ZNF93: variants seen among roughly 807,000 people sequenced by gnomAD.
The protein encoded by ZNF93 is zinc finger protein 505.
A neutral mutation model predicts 45.0 loss-of-function variants in ZNF93; 29 were observed. The observed-to-expected ratio is 0.64, with a 90% CI of 0.48 to 0.88. The LOEUF (loss-of-function observed/expected upper bound fraction) is 0.88. Ranked by LOEUF, ZNF93 falls within the 40% of genes least tolerant of loss-of-function variation. The pLI is 0.00. For synonymous variants in ZNF93, 223 were observed against 244.6 expected (o/e 0.91, Z 0.82); for missense variants, 578 against 724.0 (o/e 0.80, Z 2.31).
intron 3 of ZNF93, chr19:19,931,874 T>C (rs1453077231): frequency 1.3e-5 from 3 of 226,346 alleles, no homozygotes; most frequent in African/African-American, 7.1e-5. Flanking sequence ...TCTCAAAAAC[T>C]GGAGATTACA....
intron 1 of ZNF93, among the ~76,000 whole-genome samples, chr19:19,907,465 T>G (rs993170399): frequency 1.3e-5 from 2 of 152,212 alleles, no homozygotes; most frequent in African/African-American, 4.8e-5. Flanking sequence ...TGCTTTCTAT[T>G]TATTACTTCA....
In ZNF93 at chr19:19,934,703, A is replaced by G; in HGVS notation, c.1748A>G (p.His583Arg). The change falls in exon 4 of 4, where the codon CAT becomes CGT. Residue 583 changes from histidine to arginine, a missense_variant. His to Arg is a conservative substitution (Grantham distance 29, BLOSUM62 0). Coordinates refer to ENST00000343769, the MANE Select transcript of ZNF93 (RefSeq NM_031218.4). ...AACCATTCTGCAACCCTTTCTTCAC[A>G]TAAGAAAATCCATTCTGGAGAGAAA... ...AFNHSATLSS[H>R]KKIHSGEKPY... is the part of the protein sequence containing the mutation. The G allele has an allele frequency of 2.5e-6, 4 of 1,613,714 alleles. No individual in the cohort carries two copies. Among genetic ancestry groups the G allele is most frequent in the South Asian group, 1.1e-5 (1 of 91,036 alleles).
At position 19,901,193 on chromosome 19, in the gene ZNF93, C is replaced by A. The variant is rs1254178264; in HGVS notation, c.3+102C>A. 8 of 1,566,664 alleles carry A rather than the reference C, an allele frequency of 5.1e-6. No individual in the cohort carries two copies. In the African/African-American group the frequency reaches 9.5e-5, roughly 19 times the overall value. ...TCAGGTATCCCCTTAGTCAGCTCCA[C>A]AATCTGCGCCGGAGTTCTTGCCCAG... On this transcript the variant is annotated intron_variant, in intron 1 of 3. Transcript: ENST00000343769.
At chr19:19,914,093 A>G (rs188231864) in intron 1 of ZNF93, among the ~76,000 whole-genome samples, 4 of 152,362 alleles carry the variant, frequency 2.6e-5, no homozygotes, top group African/African-American at 9.6e-5. Flanking sequence ...GCAAGAATTT[A>G]TGATCCACAT....
intron 1 of ZNF93, among the ~76,000 whole-genome samples, chr19:19,902,598 G>A (rs1339557479): frequency 6.6e-6 from 1 of 151,776 alleles, no homozygotes; most frequent in Non-Finnish European, 1.5e-5. Context: ...TTTCTGGGGA[G>A]CCTCCCCTGC....
chr19:19,920,594 G>A (rs1243455884), intron 3 of ZNF93, among the ~76,000 whole-genome samples: 1 of 151,924 alleles, frequency 6.6e-6, no homozygotes, highest in Non-Finnish European at 1.5e-5. Flanking sequence ...TTTTTTGGTT[G>A]GCAAGCTATT....
At position 19,923,377 on chromosome 19, in the gene ZNF93, CAG is replaced by C. The variant is rs2063347079; in HGVS notation, c.226+6723_226+6724del. On this transcript the variant is annotated intron_variant, in intron 3 of 3. Transcript: ENST00000343769. ...GGGGGTGCCTTCCAGTTAGGCTACT[CAG>C]GGGTCAGGGACCCACTTGAATAGGC... Among the ~76,000 whole-genome samples, 3 of 152,188 alleles carry C rather than the reference CAG, an allele frequency of 2.0e-5. No homozygotes were observed. In the South Asian group the frequency reaches 6.2e-4, roughly 32 times the overall value.
intron 1 of ZNF93, among the ~76,000 whole-genome samples, chr19:19,911,861 C>G (rs1181947586): frequency 6.6e-6 from 1 of 151,904 alleles, no homozygotes. Flanking sequence ...GTGACTTTCC[C>G]TTCTCAGCCT....
At chr19:19,914,608 A>T (rs2063318315) in intron 1 of ZNF93, 1 of 190,870 alleles carries the variant, frequency 5.2e-6, no homozygotes, top group African/African-American at 2.4e-5. Flanking sequence ...TTTTCTCTTC[A>T]TTATTAAGCA....
chr19:19,900,951 T>G lies in ZNF93; in HGVS notation c.-138T>G. 2.1e-6 allele frequency: 3 copies of G among 1,445,240 alleles called. No homozygotes were observed. The highest frequency in any genetic ancestry group is 2.9e-6 in the Non-Finnish European group (3 of 1,044,778). 89.5% of individuals were successfully genotyped at this position (1,445,240 alleles called of 1,614,324 possible). ...TCTGGTTTGGCGGGTCCTTTGTCTC[T>G]CGGTGCAGCCGGAGCTCCAGGTCTC... On this transcript the variant is annotated 5_prime_UTR_variant, in exon 1 of 4. Transcript: ENST00000343769.
chr19:19,907,182 C>G (rs1285723514), intron 1 of ZNF93, among the ~76,000 whole-genome samples: 1 of 151,848 alleles, frequency 6.6e-6, no homozygotes, highest in Non-Finnish European at 1.5e-5. Flanking sequence ...GTTTTGGCTT[C>G]TGAAAAGTTT....
At chr19:19,907,552 T>C (rs1017550534) in intron 1 of ZNF93, among the ~76,000 whole-genome samples, 20 of 149,152 alleles carry the variant, frequency 1.3e-4, no homozygotes, top group African/African-American at 5.0e-4. Flanking sequence ...TTCTTTTCTT[T>C]TTTTTTTTTT....
In ZNF93 at chr19:19,933,855, T is replaced by TA; in HGVS notation, c.901dup (p.Thr301AsnfsTer2). The TA allele has an allele frequency of 6.2e-7, 1 of 1,613,118 alleles. No homozygotes were observed. Among genetic ancestry groups the TA allele is most frequent in the East Asian group, 2.2e-5 (1 of 44,816 alleles). On this transcript the variant is annotated frameshift_variant, in exon 4 of 4. Transcript: ENST00000343769. LOFTEE classifies it high-confidence loss of function. ...AAGCTTTTAACCAATCCTCAACACT[T>TA]ACTAAACATAAGAAAATTCATACTG...
At chr19:19,927,630 A>T (rs1428125504) in intron 3 of ZNF93, among the ~76,000 whole-genome samples, 1 of 152,216 alleles carries the variant, frequency 6.6e-6, no homozygotes, top group Non-Finnish European at 1.5e-5. Flanking sequence ...GGTTCATCTA[A>T]AAAGGTGACA....
chr19:19,928,913 T>G (rs2063363955), intron 3 of ZNF93, among the ~76,000 whole-genome samples: 1 of 152,196 alleles, frequency 6.6e-6, no homozygotes, highest in South Asian at 2.1e-4. Flanking sequence ...CTGGAGAGTT[T>G]TGTGTGTGTC....
chr19:19,934,262 C>G lies in ZNF93; in HGVS notation c.1307C>G (p.Ala436Gly). 6.2e-7 allele frequency: 1 copy of G among 1,602,960 alleles called. No homozygotes were observed. Among genetic ancestry groups the G allele is most frequent in the African/African-American group, 1.4e-5 (1 of 71,850 alleles). Residue 436 changes from alanine to glycine, a missense_variant, in exon 4 of 4, where the codon GCA becomes GGA. By Grantham distance (60) the Ala-to-Gly change is moderately conservative. Around this residue, in one of 3 missense-constraint regions of ZNF93, gnomAD observed 446 missense variants for 547.6 expected, o/e 0.81. Coordinates refer to ENST00000343769, the MANE Select transcript of ZNF93 (RefSeq NM_031218.4). ...GAAGAATGTGGCAAAGCCTTTGTTGCATCCTCAACCCTTAGTAAACATGAG... is the reference window on the plus strand; with the variant it reads ...GAAGAATGTGGCAAAGCCTTTGTTGGATCCTCAACCCTTAGTAAACATGAG... Reference protein sequence around the residue: ...KCEECGKAFVASSTLSKHEII... With the variant: ...KCEECGKAFVGSSTLSKHEII...
At chr19:19,932,040 C>T (rs759180477) in intron 3 of ZNF93, 2 of 344,220 alleles carry the variant, frequency 5.8e-6, no homozygotes, top group South Asian at 4.2e-5. Context: ...CTTTGGGAGG[C>T]CAAGGTGGGT....
chr19:19,927,119 G>A (rs1469514339), intron 3 of ZNF93: 1 of 398,416 alleles, frequency 2.5e-6, no homozygotes, highest in Non-Finnish European at 4.4e-6. Context: ...AGGGCCAGGT[G>A]TGGTTGTGGT....
Position 19,934,079 on chromosome 19 carries a change from G to A in ZNF93, c.1124G>A (p.Gly375Asp). 6.2e-7 allele frequency: 1 copy of A among 1,612,424 alleles called. No homozygotes were observed. The highest frequency in any genetic ancestry group is 8.5e-7 in the Non-Finnish European group (1 of 1,179,562). The change falls in exon 4 of 4, where the codon GGC becomes GAC. Residue 375 changes from glycine to aspartate, a missense_variant. Coordinates refer to ENST00000343769, the MANE Select transcript of ZNF93 (RefSeq NM_031218.4). ...GKKHYKCEECGKAFIWSSVLT... is the reference protein window; with the variant it reads ...GKKHYKCEECDKAFIWSSVLT... ...AAACATTACAAATGTGAAGAATGTG[G>A]CAAAGCCTTCATTTGGTCCTCAGTC... is the stretch of plus-strand genomic sequence containing the variant.
Sources: allele counts gnomAD v4.1 joint callset (sites outside exome capture counted in the v4.1 genomes callset), GRCh38; gene constraint gnomAD v4.1.1; regional missense constraint gnomAD v4.1.1; transcripts MANE v1.5; gene names NCBI Gene and HGNC (gene_info 2026-07-23, HGNC 2026-07-21).